Variants in NRG1 observed in about 807,000 individuals in gnomAD.
NRG1 encodes the protein neuregulin 1, also known as pro-neuregulin-1, membrane-bound isoform.
Under a neutral mutation model 63.8 loss-of-function variants are expected in NRG1, and 18 were observed. The observed-to-expected ratio is 0.28, with a 90% CI of 0.19 to 0.42. The LOEUF is 0.42. NRG1 is among the 10% of genes least tolerant of loss of function. The probability of loss-of-function intolerance (pLI) is 1.00; values close to 1 mark genes in which losing one functional copy is unlikely to be tolerated. For synonymous variants in NRG1, 302 were observed against 301.3 expected (o/e 1.00, Z -0.02); for missense variants, 762 against 814.7 (o/e 0.94, Z 0.79).
At chr8:32,437,241 C>T (rs764301484) in intron 1 of NRG1, among the ~76,000 whole-genome samples, 2 of 152,094 alleles carry the variant, frequency 1.3e-5, no homozygotes, top group South Asian at 4.1e-4. Flanking sequence ...CCCTCCATTC[C>T]CGCAGCTTCC....
intron 1 of NRG1, among the ~76,000 whole-genome samples, chr8:32,093,440 G>T (rs1829476487): frequency 6.6e-6 from 1 of 152,250 alleles, no homozygotes; most frequent in Non-Finnish European, 1.5e-5. Context: ...TAGGATCAAA[G>T]ATAGTACAGG....
At chr8:32,562,796 T>C (rs1836700401) in intron 1 of NRG1, among the ~76,000 whole-genome samples, 1 of 152,190 alleles carries the variant, frequency 6.6e-6, no homozygotes, top group Non-Finnish European at 1.5e-5. Context: ...GGCACTGTTC[T>C]GGGCAGCAGT....
chr8:32,322,994 ACAACACC>A (rs1244621769), intron 1 of NRG1, among the ~76,000 whole-genome samples: 1 of 152,116 alleles, frequency 6.6e-6, no homozygotes, highest in Non-Finnish European at 1.5e-5. Context: ...GAGAAAGAGG[ACAACACC>A]CAACACCACC....
At chr8:32,488,206 A>G (rs1826135311) in intron 1 of NRG1, among the ~76,000 whole-genome samples, 1 of 152,174 alleles carries the variant, frequency 6.6e-6, no homozygotes, top group African/African-American at 2.4e-5. Context: ...AGAGTTTCCA[A>G]TCACTCACTC....
Position 32,724,152 on chromosome 8 carries a change from A to C in NRG1, c.503-3797A>C, listed in dbSNP as rs145158308. Among the ~76,000 whole-genome samples the C allele has an allele frequency of 1.8e-3, 269 of 152,340 alleles. 1 individual carries two copies. The highest frequency in any genetic ancestry group is 6.0e-3 in the African/African-American group (251 of 41,578). ...TACCAAGGAAAGTGTGTTTGGGATA[A>C]AGTGGTCACATAAATGGCAAACATC... On this transcript the variant is annotated intron_variant, in intron 5 of 11. Coordinates refer to ENST00000356819, the Ensembl canonical transcript of NRG1.
chr8:31,970,156 G>T (rs967548059), intron 1 of NRG1, among the ~76,000 whole-genome samples: 2 of 152,100 alleles, frequency 1.3e-5, no homozygotes, highest in African/African-American at 4.8e-5. Flanking sequence ...GCTAGAAAAT[G>T]ATAATCTGAT....
intron 1 of NRG1, among the ~76,000 whole-genome samples, chr8:31,977,661 T>C (rs192980921): frequency 5.3e-5 from 8 of 152,202 alleles, no homozygotes; most frequent in Non-Finnish European, 1.2e-4. Flanking sequence ...TATAAAAGAA[T>C]AGTAAACTAA....
At chr8:31,711,746 G>A (rs777906510) in intron 1 of NRG1, among the ~76,000 whole-genome samples, 1 of 152,172 alleles carries the variant, frequency 6.6e-6, no homozygotes, top group African/African-American at 2.4e-5. Context: ...CAGTTCTGGA[G>A]GCTGAGAAGT....
At chr8:32,763,492 T>C (rs1310489556) in intron 11 of NRG1, 23 of 1,170,578 alleles carry the variant, frequency 2.0e-5, no homozygotes, top group Non-Finnish European at 2.6e-5. Context: ...TGTGATGAGA[T>C]TGAAAATCCC....
At chr8:32,204,462 C>T (rs1248760205) in intron 1 of NRG1, among the ~76,000 whole-genome samples, 2 of 152,188 alleles carry the variant, frequency 1.3e-5, no homozygotes, top group Non-Finnish European at 2.9e-5. Flanking sequence ...AGAGAAAGCT[C>T]ATGCCAGTCA....
intron 1 of NRG1, among the ~76,000 whole-genome samples, chr8:32,454,384 C>G (rs1385491812): frequency 6.6e-6 from 1 of 152,182 alleles, no homozygotes; most frequent in South Asian, 2.1e-4. Flanking sequence ...ATGGCCTTTA[C>G]TGTTTCGAGG....
At chr8:32,044,037 G>A (rs2130717679) in intron 1 of NRG1, among the ~76,000 whole-genome samples, 1 of 151,962 alleles carries the variant, frequency 6.6e-6, no homozygotes, top group African/African-American at 2.4e-5. Context: ...AATGTATGAT[G>A]CAGCAATATG....
chr8:32,496,387 G>A (rs1827196679), intron 1 of NRG1, among the ~76,000 whole-genome samples: 2 of 152,146 alleles, frequency 1.3e-5, no homozygotes, highest in Non-Finnish European at 2.9e-5. Flanking sequence ...CTGAAAACCA[G>A]CCTGGGCAAT....
intron 1 of NRG1, among the ~76,000 whole-genome samples, chr8:32,374,950 C>G (rs1809425773): frequency 6.6e-6 from 1 of 151,988 alleles, no homozygotes; most frequent in Admixed American, 6.6e-5. Context: ...ATATTTTTGC[C>G]TAGGCCTAAG....
At chr8:32,492,024 A>G (rs1433900676) in intron 1 of NRG1, among the ~76,000 whole-genome samples, 1 of 152,242 alleles carries the variant, frequency 6.6e-6, no homozygotes, top group Non-Finnish European at 1.5e-5. Context: ...CATGTATTCT[A>G]CACAAAGCTA....
rs115455802 is a variant in NRG1, at chr8:32,532,751, A to G, written c.38-63077A>G. Among the ~76,000 whole-genome samples, 1,501 of 152,132 alleles carry G rather than the reference A, an allele frequency of 9.9e-3. 25 individuals carry two copies. Among genetic ancestry groups the G allele is most frequent in the African/African-American group, 0.034 (1,420 of 41,540 alleles). On this transcript the variant is annotated intron_variant, in intron 1 of 10. Coordinates refer to the NRG1 transcript ENST00000519301. The stretch of plus-strand genomic sequence containing the variant: ...ATTTGTTTTTAAAGGTTTTTATGTG[A>G]AACCTTTAAAAGGCCTCCCAACAAA...
chr8:31,952,328 A>G (rs922320425), intron 1 of NRG1, among the ~76,000 whole-genome samples: 3 of 152,228 alleles, frequency 2.0e-5, no homozygotes, highest in Non-Finnish European at 4.4e-5. Context: ...TTGATACTGA[A>G]CAATTGCTAT....
At chr8:32,161,156 T>G (rs1838782948) in intron 1 of NRG1, among the ~76,000 whole-genome samples, 1 of 152,186 alleles carries the variant, frequency 6.6e-6, no homozygotes. Context: ...ATTCCCTCAT[T>G]AAGCATTGTT....
chr8:31,887,407 G>A (rs569969023), intron 1 of NRG1, among the ~76,000 whole-genome samples: 3 of 152,148 alleles, frequency 2.0e-5, no homozygotes, highest in Admixed American at 1.3e-4. Context: ...TATTATTTGA[G>A]CTTTATTTCC....
Sources: gnomAD v4.1 joint callset for allele counts (sites outside exome capture counted in the v4.1 genomes callset) on GRCh38, gnomAD v4.1.1 for gene constraint, MANE v1.5 for transcripts, NCBI Gene and HGNC (gene_info 2026-07-23, HGNC 2026-07-21) for gene names.